The following PDE4B variants were observed in gnomAD, a reference collection of about 807,000 sequenced individuals.
PDE4B encodes phosphodiesterase 4B, also known as 3',5'-cyclic-AMP phosphodiesterase 4B.
In PDE4B, 20 loss-of-function variants were observed where a neutral mutation model predicts 82.2. That is an observed-to-expected ratio of 0.24 (90% CI 0.17 to 0.35). The LOEUF is 0.35. Ranked by LOEUF, PDE4B falls within the 10% of genes least tolerant of loss-of-function variation. PDE4B has a pLI of 1.00. For missense variants in PDE4B, 655 were observed against 907.2 expected (o/e 0.72, Z 3.57); for synonymous variants, 320 against 318.9 (o/e 1.00, Z -0.04).
At chr1:65,825,263 A>G (rs1646001012) in intron 1 of PDE4B, among the ~76,000 whole-genome samples, 1 of 152,114 alleles carries the variant, frequency 6.6e-6, no homozygotes, top group Non-Finnish European at 1.5e-5. Flanking sequence ...TTGTGATGAT[A>G]TTATACCTGG....
chr1:65,891,574 C>A (rs1359954967), intron 1 of PDE4B, among the ~76,000 whole-genome samples: 1 of 152,036 alleles, frequency 6.6e-6, no homozygotes, highest in Non-Finnish European at 1.5e-5. Flanking sequence ...ACAAAACATG[C>A]GCTTCTTATT....
chr1:66,214,224 C>T (rs17128543), intron 3 of PDE4B, among the ~76,000 whole-genome samples: 1 of 152,188 alleles, frequency 6.6e-6, no homozygotes, highest in Non-Finnish European at 1.5e-5. Context: ...GGAAACTGTA[C>T]ATCTGGGATT....
chr1:65,895,957 A>AATAAT (rs959944814), intron 1 of PDE4B, among the ~76,000 whole-genome samples: 1 of 148,626 alleles, frequency 6.7e-6, no homozygotes, highest in African/African-American at 2.4e-5. Flanking sequence ...TAATAATAAT[A>AATAAT]ATAATAATAA....
intron 7 of PDE4B, among the ~76,000 whole-genome samples, chr1:66,319,404 A>G (rs1049788594): frequency 3.3e-5 from 5 of 152,186 alleles, no homozygotes; most frequent in South Asian, 2.1e-4. Flanking sequence ...CTCTGATAAC[A>G]TCTTAATTTG....
chr1:65,858,310 A>G (rs903862196), intron 1 of PDE4B, among the ~76,000 whole-genome samples: 1 of 152,204 alleles, frequency 6.6e-6, no homozygotes, highest in African/African-American at 2.4e-5. Flanking sequence ...GGTTAGGTGT[A>G]TAGGCCAACC....
intron 7 of PDE4B, among the ~76,000 whole-genome samples, chr1:66,326,478 T>G (rs1659759487): frequency 1.3e-5 from 2 of 152,378 alleles, no homozygotes; most frequent in African/African-American, 4.8e-5. Flanking sequence ...ATACTATTTT[T>G]TCATATACAT....
intron 7 of PDE4B, among the ~76,000 whole-genome samples, chr1:66,297,895 T>G (rs1039844301): frequency 6.6e-6 from 1 of 152,178 alleles, no homozygotes; most frequent in African/African-American, 2.4e-5. Context: ...CATTATTCAT[T>G]CATTAGTCCA....
At chr1:65,997,318 G>C (rs1015981645) in intron 3 of PDE4B, among the ~76,000 whole-genome samples, 1 of 152,040 alleles carries the variant, frequency 6.6e-6, no homozygotes, top group African/African-American at 2.4e-5. Context: ...TTCTCGTTTA[G>C]TTTTACCTGT....
chr1:65,913,147 C>A, intron 1 of PDE4B, 98 bp from the exon 2 acceptor site: 1 of 556,902 alleles, frequency 1.8e-6, no homozygotes, highest in Non-Finnish European at 3.2e-6. Flanking sequence ...TTTACATGTA[C>A]ATTGTACATA....
chr1:66,250,091 A>G (rs1203606164), intron 4 of PDE4B, among the ~76,000 whole-genome samples: 11 of 152,220 alleles, frequency 7.2e-5, no homozygotes, highest in Non-Finnish European at 1.3e-4. Flanking sequence ...TTTCACATAA[A>G]TATCTGAATC....
chr1:66,223,078 G>A (rs998898888), intron 3 of PDE4B, among the ~76,000 whole-genome samples: 3 of 152,128 alleles, frequency 2.0e-5, no homozygotes, highest in African/African-American at 7.2e-5. Context: ...ATGTGTGCCA[G>A]GTGTGTTCCA....
intron 3 of PDE4B, among the ~76,000 whole-genome samples, chr1:65,942,737 A>G (rs1401719838): frequency 6.6e-6 from 1 of 152,028 alleles, no homozygotes; most frequent in East Asian, 1.9e-4. Flanking sequence ...GTGAGGTAAT[A>G]TCTCATAGTG....
chr1:65,854,662 T>G (rs1646372161), intron 1 of PDE4B, among the ~76,000 whole-genome samples: 1 of 152,102 alleles, frequency 6.6e-6, no homozygotes, highest in African/African-American at 2.4e-5. Flanking sequence ...TTTGGCAATT[T>G]AAATATGAAG....
At chr1:66,357,796 T>C (rs915305266) in intron 9 of PDE4B, among the ~76,000 whole-genome samples, 3 of 152,104 alleles carry the variant, frequency 2.0e-5, no homozygotes, top group African/African-American at 7.2e-5. Context: ...GTTGCCTCAC[T>C]TGTAAAATGG....
chr1:66,325,333 C>G (rs1420123942), intron 7 of PDE4B, among the ~76,000 whole-genome samples: 3 of 152,198 alleles, frequency 2.0e-5, no homozygotes, highest in Non-Finnish European at 4.4e-5. Context: ...CACAGACTTA[C>G]TATTTATACA....
intron 3 of PDE4B, 133 bp downstream of exon 3, chr1:65,918,968 C>T (rs1647193061): frequency 1.6e-6 from 1 of 635,906 alleles, no homozygotes. Context: ...AATTCGTTTC[C>T]CTTTAGAATC....
At chr1:65,937,463 G>A (rs1648215892) in intron 3 of PDE4B, among the ~76,000 whole-genome samples, 1 of 152,180 alleles carries the variant, frequency 6.6e-6, no homozygotes, top group African/African-American at 2.4e-5. Context: ...CTCAGCTGCA[G>A]ATCCTAAAGC....
At chr1:66,358,222 A>T (rs139224653) in intron 9 of PDE4B, among the ~76,000 whole-genome samples, 1 of 152,322 alleles carries the variant, frequency 6.6e-6, no homozygotes, top group East Asian at 1.9e-4. Flanking sequence ...CTTTCTTGGC[A>T]TCTAGACCTA....
At chr1:66,021,236 A>G (rs1653089542) in intron 3 of PDE4B, among the ~76,000 whole-genome samples, 1 of 152,134 alleles carries the variant, frequency 6.6e-6, no homozygotes, top group African/African-American at 2.4e-5. Flanking sequence ...AGATGAGTAG[A>G]TTGCAAAAAC....
Sources: allele counts gnomAD v4.1 joint callset (sites outside exome capture counted in the v4.1 genomes callset), GRCh38; gene constraint gnomAD v4.1.1; transcripts MANE v1.5; gene names NCBI Gene and HGNC (gene_info 2026-07-23, HGNC 2026-07-21).